ATP8A1: variants seen among roughly 807,000 people sequenced by gnomAD.
ATP8A1 encodes ATPase phospholipid transporting 8A1.
Under a neutral mutation model 177.7 loss-of-function variants are expected in ATP8A1, and 90 were observed. That is an observed-to-expected ratio of 0.51 (90% CI 0.43 to 0.60). The LOEUF (loss-of-function observed/expected upper bound fraction) is 0.60. ATP8A1 is among the 20% of genes least tolerant of loss of function. ATP8A1 has a pLI of 0.00. For synonymous variants in ATP8A1, 493 were observed against 485.9 expected, an observed-to-expected ratio of 1.01 and a Z score of -0.19; for missense variants, 1,072 against 1,392.8, an observed-to-expected ratio of 0.77 and a Z score of 3.67.
At chr4:42,426,794 C>T (rs1714673314) in intron 33 of ATP8A1, among the ~76,000 whole-genome samples, 3 of 152,178 alleles carry the variant, frequency 2.0e-5, no homozygotes, top group Admixed American at 2.0e-4. Context: ...TATCACAGCA[C>T]ACGCTTGTCT....
intron 1 of ATP8A1, among the ~76,000 whole-genome samples, chr4:42,629,534 CCT>C (rs1025063376): frequency 1.3e-5 from 2 of 152,254 alleles, no homozygotes; most frequent in Admixed American, 1.3e-4. Flanking sequence ...GCACCTCTCC[CCT>C]GTCTCCTCAG....
chr4:42,611,165 T>C (rs1736328982), intron 5 of ATP8A1, among the ~76,000 whole-genome samples: 1 of 152,184 alleles, frequency 6.6e-6, no homozygotes. Context: ...CTATGCGCCC[T>C]GCAGGGAAGT....
intron 2 of ATP8A1, chr4:42,626,690 T>A (rs896810131): frequency 9.3e-5 from 29 of 313,404 alleles, no homozygotes; most frequent in African/African-American, 6.3e-4. Flanking sequence ...CCAAAACCAG[T>A]AACGCATCGC....
chr4:42,628,720 G>A (rs1738385991), intron 1 of ATP8A1, among the ~76,000 whole-genome samples: 1 of 152,120 alleles, frequency 6.6e-6, no homozygotes, highest in South Asian at 2.1e-4. Context: ...AATAGAGGGA[G>A]ATCAATCTTT....
intron 4 of ATP8A1, among the ~76,000 whole-genome samples, chr4:42,619,086 G>A (rs891495161): frequency 4.6e-5 from 7 of 150,958 alleles, no homozygotes; most frequent in Non-Finnish European, 7.4e-5. Context: ...GTCTCATTCT[G>A]TCGTCCAGGC....
chr4:42,443,818 T>C, intron 32 of ATP8A1, 146 bp from the exon 33 acceptor site: 1 of 544,150 alleles, frequency 1.8e-6, no homozygotes. Context: ...ATTGTGTGTG[T>C]TTTTTAATTG....
intron 32 of ATP8A1, among the ~76,000 whole-genome samples, chr4:42,444,022 T>C (rs1716936041): frequency 6.6e-6 from 1 of 152,172 alleles, no homozygotes; most frequent in African/African-American, 2.4e-5. Flanking sequence ...TGTGAGAATA[T>C]TATATGTATG....
chr4:42,585,473 T>C (rs577585287), intron 9 of ATP8A1, among the ~76,000 whole-genome samples: 2 of 147,482 alleles, frequency 1.4e-5, no homozygotes, highest in Non-Finnish European at 3.0e-5. Context: ...ATGGAATTCA[T>C]GCCCTTACAA....
chr4:42,526,320 A>G (rs895085981), intron 20 of ATP8A1, among the ~76,000 whole-genome samples: 3 of 152,242 alleles, frequency 2.0e-5, no homozygotes, highest in Non-Finnish European at 4.4e-5. Context: ...ATGCCTACAC[A>G]TGAAAAATGA....
At chr4:42,575,058 T>G (rs1732306034) in intron 13 of ATP8A1, among the ~76,000 whole-genome samples, 1 of 152,220 alleles carries the variant, frequency 6.6e-6, no homozygotes, top group African/African-American at 2.4e-5. Context: ...TTGTAGAATT[T>G]GTAACAGCTT....
chr4:42,612,761 C>A (rs1307489504), intron 5 of ATP8A1, among the ~76,000 whole-genome samples: 1 of 151,908 alleles, frequency 6.6e-6, no homozygotes, highest in East Asian at 1.9e-4. Flanking sequence ...ACAGGGCATC[C>A]AATAAGCACC....
chr4:42,495,424 ACTC>A (rs1240825369), intron 24 of ATP8A1, among the ~76,000 whole-genome samples: 3 of 152,140 alleles, frequency 2.0e-5, no homozygotes, highest in African/African-American at 7.2e-5. Flanking sequence ...ATATATCAAT[ACTC>A]CTCCAGCTAC....
Position 42,616,092 on chromosome 4 carries a change from G to T in ATP8A1, c.364-14C>A, listed in dbSNP as rs750136142. On this transcript the variant is annotated splice_polypyrimidine_tract_variant and intron_variant, in intron 4 of 36. Coordinates refer to ENST00000381668, the MANE Select transcript of ATP8A1 (RefSeq NM_006095.2). ...TTTATGTCGTTTCTAAAGTTTAAAA[G>T]CAAAAAGAACAACTGTGAAAATGTG... is the stretch of plus-strand genomic sequence containing the variant. 6.2e-7 allele frequency: 1 copy of T among 1,607,208 alleles called. No individual in the cohort carries two copies. Among genetic ancestry groups the T allele is most frequent in the African/African-American group, 1.3e-5 (1 of 74,622 alleles).
At chr4:42,636,689 G>A (rs908764818) in intron 1 of ATP8A1, among the ~76,000 whole-genome samples, 2 of 152,120 alleles carry the variant, frequency 1.3e-5, no homozygotes, top group Non-Finnish European at 2.9e-5. Flanking sequence ...TGGACAATCT[G>A]CTCTTTCCAG....
chr4:42,454,929 C>T (rs1718316888), intron 29 of ATP8A1, among the ~76,000 whole-genome samples: 1 of 152,134 alleles, frequency 6.6e-6, no homozygotes, highest in African/African-American at 2.4e-5. Flanking sequence ...CAGTCCTTAC[C>T]AGTCCTAGAT....
rs192415275 is a variant in ATP8A1, at chr4:42,644,912, A to C, written c.49+11913T>G. On this transcript the variant is annotated intron_variant, in intron 1 of 36. Coordinates refer to ENST00000381668, the MANE Select transcript of ATP8A1 (RefSeq NM_006095.2). ...TTGAAAAAAAAAAAGTTGCCACAGA[A>C]ATTTCAAAGACTATTACCAAGTCAT... Among the ~76,000 whole-genome samples, 461 of 152,342 alleles carry C rather than the reference A, an allele frequency of 3.0e-3. 2 individuals carry two copies. Among genetic ancestry groups the C allele is most frequent in the Non-Finnish European group, 5.0e-3 (341 of 68,036 alleles).
At position 42,452,042 on chromosome 4, in the gene ATP8A1, A is replaced by C. The variant is rs765670060; in HGVS notation, c.2835T>G (p.Cys945Trp). The C allele has an allele frequency of 1.9e-6, 3 of 1,613,084 alleles. No homozygotes were observed. The East Asian group carries it at 6.7e-5, about 36-fold the overall frequency. Residue 945 changes from cysteine to tryptophan, a missense_variant, in exon 30 of 37, where the codon TGT becomes TGG. By Grantham distance (215) the Cys-to-Trp change is radical. This residue lies in a region of ATP8A1 where 316 missense variants were observed against 459.1 expected (regional missense o/e 0.69). Transcript: ENST00000381668. ...DFNTKVFWVH[C>W]LNGLFHSVIL... is the part of the protein sequence containing the mutation. ...TAACTGAGTGGAAGAGGCCATTTAA[A>C]CAATGAACCCAGAAAACCTGAGGGA...
chr4:42,511,294 C>A (rs1724981427), intron 22 of ATP8A1, among the ~76,000 whole-genome samples: 2 of 152,156 alleles, frequency 1.3e-5, no homozygotes, highest in South Asian at 2.1e-4. Context: ...GATCATAACA[C>A]AAGAGTGTTT....
At chr4:42,427,540 G>A (rs1282319809) in intron 33 of ATP8A1, among the ~76,000 whole-genome samples, 1 of 152,236 alleles carries the variant, frequency 6.6e-6, no homozygotes, top group African/African-American at 2.4e-5. Flanking sequence ...ATTCCCACCA[G>A]CAATGAACTA....
Sources: gnomAD v4.1 joint callset for allele counts (sites outside exome capture counted in the v4.1 genomes callset) on GRCh38, gnomAD v4.1.1 for gene constraint, gnomAD v4.1.1 regional missense constraint, MANE v1.5 for transcripts, NCBI Gene and HGNC (gene_info 2026-07-23, HGNC 2026-07-21) for gene names.